CNTNAP2: variants seen among roughly 807,000 people sequenced by gnomAD.
CNTNAP2 encodes contactin associated protein 2.
In CNTNAP2, 98 loss-of-function variants were observed where a neutral mutation model predicts 155.2. That is an observed-to-expected ratio of 0.63 (90% CI 0.54 to 0.75). The LOEUF (loss-of-function observed/expected upper bound fraction) is 0.75. Among genes scored for constraint, CNTNAP2 ranks in the 30% least tolerant of loss-of-function variants. The probability of loss-of-function intolerance (pLI) is 0.00; values close to 1 mark genes in which losing one functional copy is unlikely to be tolerated. For missense variants in CNTNAP2, 1,727 were observed against 1,688.1 expected (o/e 1.02, Z -0.40); for synonymous variants, 651 against 631.2 (o/e 1.03, Z -0.47).
chr7:148,379,578 A>G lies in CNTNAP2; in HGVS notation c.3476-4071A>G, dbSNP rs1439311747. Among the ~76,000 whole-genome samples, 7 of 152,134 alleles carry G rather than the reference A, an allele frequency of 4.6e-5. No individual in the cohort carries two copies. The East Asian group carries it at 1.4e-3, about 29-fold the overall frequency. On this transcript the variant is annotated intron_variant, in intron 21 of 23. Coordinates refer to ENST00000361727, the MANE Select transcript of CNTNAP2 (RefSeq NM_014141.6). ...AAAAAAAAAATTAGTCGGGCATGGT[A>G]GCACACGAGTGTGGTTCCAGCTACT...
chr7:148,126,966 T>C (rs1301691413), intron 16 of CNTNAP2, among the ~76,000 whole-genome samples: 4 of 150,412 alleles, frequency 2.7e-5, no homozygotes, highest in Non-Finnish European at 3.0e-5. Context: ...TGTTTAATGA[T>C]ACAACAAATA....
At chr7:147,560,186 A>AAAAAAAAAAAAAAAAAC (rs1800034326) in intron 11 of CNTNAP2, among the ~76,000 whole-genome samples, 1 of 150,660 alleles carries the variant, frequency 6.6e-6, no homozygotes, top group Non-Finnish European at 1.5e-5. Context: ...AAAAAAAAAA[A>AAAAAAAAAAAAAAAAAC]AAAAATTGAA....
At chr7:147,287,929 G>T (rs923158091) in intron 8 of CNTNAP2, among the ~76,000 whole-genome samples, 1 of 151,942 alleles carries the variant, frequency 6.6e-6, no homozygotes, top group African/African-American at 2.4e-5. Context: ...CCCTAATGAC[G>T]GTAAGAGCAT....
At chr7:146,782,595 G>T (rs1017444935) in intron 2 of CNTNAP2, among the ~76,000 whole-genome samples, 2 of 152,114 alleles carry the variant, frequency 1.3e-5, no homozygotes, top group East Asian at 1.9e-4. Flanking sequence ...TAATGATAAA[G>T]GATATAATAT....
intron 8 of CNTNAP2, among the ~76,000 whole-genome samples, chr7:147,215,109 A>T (rs1221213809): frequency 2.0e-5 from 3 of 152,116 alleles, no homozygotes; most frequent in African/African-American, 4.8e-5. Flanking sequence ...TGAGGATTAT[A>T]ATTTGAGATA....
At chr7:147,167,786 C>T (rs887736019) in intron 8 of CNTNAP2, among the ~76,000 whole-genome samples, 1 of 152,008 alleles carries the variant, frequency 6.6e-6, no homozygotes, top group Non-Finnish European at 1.5e-5. Flanking sequence ...GCATATTGAG[C>T]TGTTTTGGAA....
At chr7:146,977,748 C>T (rs1797939117) in intron 3 of CNTNAP2, among the ~76,000 whole-genome samples, 1 of 152,108 alleles carries the variant, frequency 6.6e-6, no homozygotes, top group African/African-American at 2.4e-5. Context: ...TTTTGGTGAG[C>T]AACTGAAAAC....
chr7:147,494,946 A>G (rs956135606), intron 11 of CNTNAP2, among the ~76,000 whole-genome samples: 2 of 152,214 alleles, frequency 1.3e-5, no homozygotes, highest in East Asian at 3.8e-4. Context: ...CTTGGTGTAC[A>G]GGATTATCTT....
chr7:147,861,220 A>T (rs576062795), intron 13 of CNTNAP2, among the ~76,000 whole-genome samples: 1 of 152,324 alleles, frequency 6.6e-6, no homozygotes, highest in South Asian at 2.1e-4. Context: ...GGTCCCTTGG[A>T]ACCTAGCCCA....
chr7:148,013,754 A>G (rs1354324645), intron 15 of CNTNAP2, among the ~76,000 whole-genome samples: 1 of 152,192 alleles, frequency 6.6e-6, no homozygotes, highest in Non-Finnish European at 1.5e-5. Context: ...GATTACGTAC[A>G]CAAGTGTGCC....
chr7:146,264,260 G>A (rs6961556), intron 1 of CNTNAP2, among the ~76,000 whole-genome samples: 11,201 of 151,830 alleles, frequency 0.074, 1,355 homozygotes, highest in African/African-American at 0.25. Context: ...TCTGGCCAAC[G>A]TGATGAAACC....
intron 13 of CNTNAP2, among the ~76,000 whole-genome samples, chr7:147,892,697 C>G (rs182566638): frequency 1.3e-5 from 2 of 152,298 alleles, no homozygotes; most frequent in East Asian, 3.9e-4. Flanking sequence ...TGATTGAAAT[C>G]TATTAAGTTC....
chr7:147,230,492 G>A (rs1026497332), intron 8 of CNTNAP2, among the ~76,000 whole-genome samples: 3 of 152,056 alleles, frequency 2.0e-5, no homozygotes, highest in South Asian at 2.1e-4. Context: ...TCTTGACCTC[G>A]TCCATGTCAG....
intron 4 of CNTNAP2, among the ~76,000 whole-genome samples, chr7:147,044,255 A>G (rs1799315376): frequency 6.6e-6 from 1 of 152,192 alleles, no homozygotes; most frequent in African/African-American, 2.4e-5. Context: ...AATGTATATT[A>G]TAAACACGTA....
intron 2 of CNTNAP2, among the ~76,000 whole-genome samples, chr7:146,808,767 T>C (rs1201478513): frequency 6.6e-6 from 1 of 152,214 alleles, no homozygotes; most frequent in Non-Finnish European, 1.5e-5. Context: ...TTGACAGTTT[T>C]AGATTCCACT....
At chr7:147,860,284 G>A (rs1799112409) in intron 13 of CNTNAP2, among the ~76,000 whole-genome samples, 1 of 152,068 alleles carries the variant, frequency 6.6e-6, no homozygotes, top group South Asian at 2.1e-4. Flanking sequence ...AATTAGCTGG[G>A]CACGGTGGTC....
intron 15 of CNTNAP2, among the ~76,000 whole-genome samples, chr7:148,072,271 A>T (rs1803395320): frequency 6.6e-6 from 1 of 152,218 alleles, no homozygotes; most frequent in Non-Finnish European, 1.5e-5. Context: ...AGCTCATTTG[A>T]TGTGTCTGTA....
chr7:146,488,589 G>A (rs780406209), intron 1 of CNTNAP2, among the ~76,000 whole-genome samples: 5 of 151,676 alleles, frequency 3.3e-5, no homozygotes, highest in African/African-American at 4.8e-5. Context: ...CTAATGAAAC[G>A]CTCTTAAAAC....
intron 2 of CNTNAP2, among the ~76,000 whole-genome samples, chr7:146,822,541 CGTT>C (rs1803308193): frequency 6.7e-6 from 1 of 150,044 alleles, no homozygotes; most frequent in Non-Finnish European, 1.5e-5. Context: ...TAATAATGCT[CGTT>C]GTTTTGTTCC....
Sources: allele counts gnomAD v4.1 joint callset (sites outside exome capture counted in the v4.1 genomes callset), GRCh38; gene constraint gnomAD v4.1.1; transcripts MANE v1.5; gene names NCBI Gene and HGNC (gene_info 2026-07-23, HGNC 2026-07-21).